The following MTA3 variants were observed in gnomAD, a reference collection of about 807,000 sequenced individuals.
MTA3 encodes metastasis associated 1 family member 3.
A neutral mutation model predicts 83.5 loss-of-function variants in MTA3; 34 were observed. The ratio of observed to expected loss-of-function variants is 0.41; its 90% CI spans 0.31 to 0.54. The LOEUF is 0.54. Ranked by LOEUF, MTA3 falls within the 20% of genes least tolerant of loss-of-function variation. The pLI is 0.33. For missense variants in MTA3, 761 were observed against 726.4 expected (o/e 1.05, Z -0.55); for synonymous variants, 303 against 252.7 (o/e 1.20, Z -1.89).
chr2:42,664,513 G>T (rs1190352330), intron 8 of MTA3, among the ~76,000 whole-genome samples: 4 of 101,216 alleles, frequency 4.0e-5, no homozygotes, highest in African/African-American at 1.6e-4. Context: ...TTGCTCTGTT[G>T]CCCAGGCTGG....
At chr2:42,630,749 C>T (rs1283149864) in intron 4 of MTA3, among the ~76,000 whole-genome samples, 1 of 152,066 alleles carries the variant, frequency 6.6e-6, no homozygotes, top group Non-Finnish European at 1.5e-5. Flanking sequence ...GTGAGTGTAG[C>T]TGCAAAATTA....
intron 6 of MTA3, among the ~76,000 whole-genome samples, chr2:42,649,423 A>C (rs548668911): frequency 6.6e-6 from 1 of 152,084 alleles, no homozygotes; most frequent in South Asian, 2.1e-4. Flanking sequence ...CAAAAAAAAA[A>C]AAGCTGTTAT....
intron 2 of MTA3, among the ~76,000 whole-genome samples, chr2:42,559,587 A>T (rs138022508): frequency 6.8e-6 from 1 of 146,718 alleles, no homozygotes; most frequent in African/African-American, 2.5e-5. Context: ...GCCTTAAAAA[A>T]TATATCTCTG....
intron 15 of MTA3, among the ~76,000 whole-genome samples, chr2:42,721,826 C>T (rs926646813): frequency 2.6e-5 from 4 of 152,024 alleles, no homozygotes; most frequent in Non-Finnish European, 5.9e-5. Flanking sequence ...CTTGTTTGGT[C>T]TAGATGGAGC....
chr2:42,694,468 T>A (rs1573649171), intron 9 of MTA3, among the ~76,000 whole-genome samples: 1 of 152,056 alleles, frequency 6.6e-6, no homozygotes, highest in South Asian at 2.1e-4. Context: ...TCTGGCTAGG[T>A]CTGGTACAGA....
intron 14 of MTA3, among the ~76,000 whole-genome samples, chr2:42,717,116 T>G (rs1667082456): frequency 6.9e-6 from 1 of 145,180 alleles, no homozygotes; most frequent in Non-Finnish European, 1.5e-5. Context: ...TTTAATAATT[T>G]TCAGAAAAGA....
intron 4 of MTA3, among the ~76,000 whole-genome samples, chr2:42,615,252 GT>G (rs1457800277): frequency 1.4e-5 from 2 of 147,374 alleles, no homozygotes; most frequent in Admixed American, 1.4e-4. Context: ...TCTATTGTCT[GT>G]TTTTTTCTTT....
intron 6 of MTA3, among the ~76,000 whole-genome samples, chr2:42,651,263 C>G (rs149393974): frequency 4.6e-5 from 7 of 152,098 alleles, no homozygotes; most frequent in African/African-American, 1.7e-4. Context: ...GTGAGTGGTA[C>G]GTGGATGTGA....
chr2:42,559,170 T>G (rs1677541176), intron 2 of MTA3, among the ~76,000 whole-genome samples: 1 of 152,172 alleles, frequency 6.6e-6, no homozygotes, highest in Non-Finnish European at 1.5e-5. Context: ...TATCTAATAT[T>G]TCCAAACACA....
At chr2:42,708,291 A>T (rs554859612) in intron 13 of MTA3, among the ~76,000 whole-genome samples, 1 of 152,252 alleles carries the variant, frequency 6.6e-6, no homozygotes, top group African/African-American at 2.4e-5. Flanking sequence ...AGATGTTAGC[A>T]TAAGTAGAGA....
In MTA3 at chr2:42,707,948, A is replaced by C. The variant is rs1244930670; in HGVS notation, c.1196A>C (p.Gln399Pro). ...TATTCTTGGGGCCCACCTAATATGC[A>C]GTGTAGATTATGTGCAATTTGTTGG... ...QWYSWGPPNM[Q>P]CRLCAICWLY... Residue 399 changes from glutamine to proline, a missense_variant, in exon 13 of 17, where the codon CAG (glutamine) becomes CCG (proline). By Grantham distance (76) the Gln-to-Pro change is moderately conservative. Transcript: ENST00000405094. 1.2e-6 allele frequency: 2 copies of C among 1,612,216 alleles called. No individual in the cohort carries two copies. Among genetic ancestry groups the C allele is most frequent in the Admixed American group, 1.7e-5 (1 of 59,454 alleles).
intron 8 of MTA3, among the ~76,000 whole-genome samples, chr2:42,669,604 C>T (rs1400276384): frequency 2.6e-5 from 4 of 152,120 alleles, no homozygotes; most frequent in Non-Finnish European, 5.9e-5. Context: ...TTTCTTCCTG[C>T]TAAATACATC....
intron 15 of MTA3, among the ~76,000 whole-genome samples, chr2:42,720,934 C>G (rs1573753351): frequency 9.3e-6 from 1 of 107,490 alleles, no homozygotes; most frequent in Non-Finnish European, 1.7e-5. Flanking sequence ...TCCAAGTGAC[C>G]AATTGAGACC....
chr2:42,529,117 T>C (rs901283805), intron 2 of MTA3, among the ~76,000 whole-genome samples: 1 of 152,194 alleles, frequency 6.6e-6, no homozygotes, highest in East Asian at 1.9e-4. Context: ...TTACTGGGTT[T>C]TTTTGTTTGT....
intron 2 of MTA3, among the ~76,000 whole-genome samples, chr2:42,509,738 T>C (rs1674809481): frequency 6.6e-6 from 1 of 151,958 alleles, no homozygotes; most frequent in African/African-American, 2.4e-5. Context: ...ACCACTGCAC[T>C]TTAGTCTGGG....
chr2:42,616,253 G>C (rs1684872678), intron 4 of MTA3, among the ~76,000 whole-genome samples: 1 of 152,034 alleles, frequency 6.6e-6, no homozygotes, highest in Non-Finnish European at 1.5e-5. Context: ...AGTTGAGACG[G>C]GGTTTCACCA....
intron 8 of MTA3, among the ~76,000 whole-genome samples, chr2:42,671,604 T>C (rs1690799387): frequency 6.6e-6 from 1 of 152,224 alleles, no homozygotes; most frequent in South Asian, 2.1e-4. Flanking sequence ...ACCTTGGCTG[T>C]AGCACATATC....
intron 2 of MTA3, among the ~76,000 whole-genome samples, chr2:42,497,066 C>T (rs1269978677): frequency 6.6e-6 from 1 of 151,980 alleles, no homozygotes; most frequent in Non-Finnish European, 1.5e-5. Context: ...ATTAGCCAGG[C>T]ATGGTGGTGC....
chr2:42,504,762 G>C (rs369150838), intron 2 of MTA3, among the ~76,000 whole-genome samples: 2 of 151,728 alleles, frequency 1.3e-5, no homozygotes, highest in East Asian at 3.9e-4. Context: ...TTCCCAAAGT[G>C]CTGGGATTAC....
Sources: allele counts gnomAD v4.1 joint callset (sites outside exome capture counted in the v4.1 genomes callset), GRCh38; gene constraint gnomAD v4.1.1; transcripts MANE v1.5; gene names NCBI Gene and HGNC (gene_info 2026-07-23, HGNC 2026-07-21).